The following ZFPM2 variants were observed in gnomAD, a reference collection of about 807,000 sequenced individuals.
ZFPM2 encodes zinc finger protein ZFPM2.
Under a neutral mutation model 98.6 loss-of-function variants are expected in ZFPM2, and 20 were observed. That is an observed-to-expected ratio of 0.20 (90% CI 0.14 to 0.29). The LOEUF (loss-of-function observed/expected upper bound fraction) is 0.29, where lower values mean the gene tolerates loss of function less well. ZFPM2 is among the 10% of genes least tolerant of loss of function. The pLI, the probability that ZFPM2 is intolerant of heterozygous loss-of-function variation, is 1.00. For missense variants in ZFPM2, 1,310 were observed against 1,388.6 expected (o/e 0.94, Z 0.90); for synonymous variants, 518 against 502.7 (o/e 1.03, Z -0.41).
At chr8:105,758,838 T>A (rs542950701) in intron 5 of ZFPM2, among the ~76,000 whole-genome samples, 1 of 152,090 alleles carries the variant, frequency 6.6e-6, no homozygotes, top group South Asian at 2.1e-4. Flanking sequence ...ATGAATGGAT[T>A]ATTCATTTAG....
intron 1 of ZFPM2, among the ~76,000 whole-genome samples, chr8:105,408,122 C>A (rs1334936032): frequency 6.6e-6 from 1 of 151,894 alleles, no homozygotes; most frequent in Non-Finnish European, 1.5e-5. Flanking sequence ...ATGCTTCCTA[C>A]AGGTTGCGAT....
chr8:105,666,931 A>G (rs1007120539), intron 5 of ZFPM2, among the ~76,000 whole-genome samples: 20 of 152,308 alleles, frequency 1.3e-4, no homozygotes, highest in African/African-American at 4.6e-4. Flanking sequence ...ACAAAATTAG[A>G]AATAACTACA....
chr8:105,407,653 G>T (rs1811489249), intron 1 of ZFPM2, among the ~76,000 whole-genome samples: 1 of 151,890 alleles, frequency 6.6e-6, no homozygotes. Flanking sequence ...ATTTTTTTCA[G>T]TTCAAGTAAG....
chr8:105,319,102 G>A, intron 1 of ZFPM2, 121 bp downstream of exon 1: 1 of 1,210,170 alleles, frequency 8.3e-7, no homozygotes, highest in South Asian at 1.9e-5. Flanking sequence ...TCCCCTAGAT[G>A]TCTCAAACTT....
At chr8:105,441,486 G>GAAAGAAAGAAAGAAAA (rs1554604938) in intron 2 of ZFPM2, among the ~76,000 whole-genome samples, 5 of 74,060 alleles carry the variant, frequency 6.8e-5, no homozygotes, top group Admixed American at 2.8e-4. Context: ...AAGAAAGAAA[G>GAAAGAAAGAAAGAAAA]AAAGAAAGAA....
chr8:105,389,224 G>A (rs1282514123), intron 1 of ZFPM2, among the ~76,000 whole-genome samples: 3 of 152,094 alleles, frequency 2.0e-5, no homozygotes, highest in African/African-American at 7.2e-5. Context: ...ACAGATGGAT[G>A]TTGGAATCTG....
rs1259714825 is a variant in ZFPM2, at chr8:105,318,891, G to A, written c.-51G>A. 2.4e-6 allele frequency: 3 copies of A among 1,237,384 alleles called. No homozygotes were observed. Among genetic ancestry groups the A allele is most frequent in the Non-Finnish European group, 3.1e-6 (3 of 961,564 alleles). The allele number at this position is 1,237,384 out of a possible 1,614,324, so 76.7% of individuals were successfully genotyped here. A position where few individuals can be genotyped will look rare whatever the true frequency, so the allele number is the denominator to read the frequency against. ...GGCGGCGGGAGCCGAGGGAGCGGCA[G>A]CCGCGACCGCGGGCACCGCGGGAGC... On this transcript the variant is annotated 5_prime_UTR_variant, in exon 1 of 8. Coordinates refer to ENST00000407775, the MANE Select transcript of ZFPM2 (RefSeq NM_012082.4).
At chr8:105,531,897 ATTTCT>A (rs1316221904) in intron 3 of ZFPM2, among the ~76,000 whole-genome samples, 2 of 151,936 alleles carry the variant, frequency 1.3e-5, no homozygotes, top group African/African-American at 4.8e-5. Context: ...TCCTGTTGAT[ATTTCT>A]TTTCTTTTCT....
chr8:105,687,702 A>G (rs945931958), intron 5 of ZFPM2, among the ~76,000 whole-genome samples: 1 of 152,184 alleles, frequency 6.6e-6, no homozygotes, highest in African/African-American at 2.4e-5. Context: ...ATCAAAATCT[A>G]AAGCAGTAAA....
intron 1 of ZFPM2, among the ~76,000 whole-genome samples, chr8:105,361,803 A>T (rs1172383747): frequency 1.3e-5 from 2 of 151,512 alleles, no homozygotes; most frequent in African/African-American, 4.9e-5. Context: ...TGGTGGTCCC[A>T]TAAGATAATA....
intron 3 of ZFPM2, among the ~76,000 whole-genome samples, chr8:105,455,882 T>C (rs1178791983): frequency 6.6e-6 from 1 of 152,124 alleles, no homozygotes; most frequent in African/African-American, 2.4e-5. Flanking sequence ...AGAACATTGG[T>C]AATATAGCCA....
chr8:105,778,894 CT>C (rs58159246), intron 5 of ZFPM2, among the ~76,000 whole-genome samples: 15,278 of 132,226 alleles, frequency 0.12, 2,114 homozygotes, highest in African/African-American at 0.33. Context: ...AAACTGTCAT[CT>C]TTTTTTTTTT....
chr8:105,605,344 C>A (rs760681183), intron 4 of ZFPM2, among the ~76,000 whole-genome samples: 19 of 152,004 alleles, frequency 1.2e-4, no homozygotes, highest in Admixed American at 3.9e-4. Context: ...CAAAGTAATA[C>A]ACATTTACAT....
At chr8:105,453,772 C>T (rs138528410) in intron 3 of ZFPM2, among the ~76,000 whole-genome samples, 289 of 151,778 alleles carry the variant, frequency 1.9e-3, no homozygotes, top group African/African-American at 6.3e-3. Context: ...CTCCCTAGTG[C>T]GCCACCACAC....
At chr8:105,542,586 G>A (rs1297979921) in intron 3 of ZFPM2, among the ~76,000 whole-genome samples, 4 of 152,114 alleles carry the variant, frequency 2.6e-5, no homozygotes, top group Admixed American at 6.6e-5. Context: ...AAAATACAGC[G>A]TTCATGGGCT....
At chr8:105,794,265 T>C (rs1813720295) in intron 6 of ZFPM2, among the ~76,000 whole-genome samples, 1 of 152,088 alleles carries the variant, frequency 6.6e-6, no homozygotes, top group South Asian at 2.1e-4. Context: ...GTGGATGTCC[T>C]TTCTGTTTGT....
intron 5 of ZFPM2, among the ~76,000 whole-genome samples, chr8:105,646,738 C>T (rs576847737): frequency 2.6e-5 from 4 of 152,118 alleles, no homozygotes; most frequent in South Asian, 2.1e-4. Context: ...AACAGTCCCC[C>T]GAGATTTATG....
At chr8:105,470,154 T>C (rs1323409777) in intron 3 of ZFPM2, among the ~76,000 whole-genome samples, 2 of 152,208 alleles carry the variant, frequency 1.3e-5, no homozygotes, top group Admixed American at 1.3e-4. Flanking sequence ...TTCCTTTCTC[T>C]GCCTCTTCCC....
rs1314991197 is a variant in ZFPM2 at position 105,672,790 on chromosome 8, G to A, written c.532+38433G>A. Among the ~76,000 whole-genome samples the A allele has an allele frequency of 2.0e-5, 3 of 152,252 alleles. No individual in the cohort carries two copies. The East Asian group carries it at 5.8e-4, about 29-fold the overall frequency. ...CATGGAATTGTTTTTGACTATATTTGTTCAACCTAAGCCATGTCCTTCGAG... is the reference window on the plus strand; with the variant it reads ...CATGGAATTGTTTTTGACTATATTTATTCAACCTAAGCCATGTCCTTCGAG... On this transcript the variant is annotated intron_variant, in intron 5 of 7. Coordinates refer to ENST00000407775, the MANE Select transcript of ZFPM2 (RefSeq NM_012082.4).
Sources: gnomAD v4.1 joint callset for allele counts (sites outside exome capture counted in the v4.1 genomes callset) on GRCh38, gnomAD v4.1.1 for gene constraint, MANE v1.5 for transcripts, NCBI Gene and HGNC (gene_info 2026-07-23, HGNC 2026-07-21) for gene names.